The following RRAGB variants were observed in gnomAD, a reference collection of about 807,000 sequenced individuals.
The protein encoded by RRAGB is Ras related GTP binding B, also known as ras-related GTP-binding protein B.
A neutral mutation model predicts 29.3 loss-of-function variants in RRAGB; 6 were observed. The ratio of observed to expected loss-of-function variants is 0.21; its 90% CI spans 0.11 to 0.40. The LOEUF (loss-of-function observed/expected upper bound fraction) is 0.40, where lower values mean the gene tolerates loss of function less well. RRAGB is among the 10% of genes least tolerant of loss of function. RRAGB has a pLI of 1.00. For synonymous variants in RRAGB, 101 were observed against 92.5 expected (o/e 1.09, Z -0.53); for missense variants, 184 against 272.9 (o/e 0.67, Z 2.29).
intron 1 of RRAGB, 146 bp from the exon 2 acceptor site, chrX:55,719,168 A>T: frequency 2.2e-6 from 1 of 458,188 alleles, no homozygotes; most frequent in Non-Finnish European, 3.6e-6. Context: ...TGGGACCTCT[A>T]TTCATCTGAG....
intron 5 of RRAGB, among the ~76,000 whole-genome samples, chrX:55,734,993 T>A (rs2033819024): frequency 8.9e-6 from 1 of 112,465 alleles, no homozygotes; most frequent in Admixed American, 9.4e-5. Flanking sequence ...TGATACTTGA[T>A]ATGATTTTGA....
At chrX:55,752,123 C>T in intron 6 of RRAGB, 6 of 440,587 alleles carry the variant, frequency 1.4e-5, no homozygotes, top group Non-Finnish European at 1.7e-5. Context: ...ATTCATTTTC[C>T]CCAATATTAT....
intron 5 of RRAGB, among the ~76,000 whole-genome samples, chrX:55,736,608 G>A (rs940684113): frequency 6.3e-5 from 7 of 111,642 alleles, no homozygotes; most frequent in Admixed American, 9.5e-5. Context: ...GGACAATTTC[G>A]TCTTATTATT....
At chrX:55,739,495 G>A (rs2033978197) in intron 5 of RRAGB, among the ~76,000 whole-genome samples, 1 of 111,755 alleles carries the variant, frequency 8.9e-6, no homozygotes, top group African/African-American at 3.3e-5. Flanking sequence ...ACTTCCCACT[G>A]CTCACCAAAT....
At position 55,758,234 on chromosome X, in the gene RRAGB, C is replaced by T. The variant is rs1239134501; in HGVS notation, c.944-12C>T. 1 of 1,179,165 alleles carries T rather than the reference C, an allele frequency of 8.5e-7. No individual in the cohort carries two copies. The highest frequency in any genetic ancestry group is 3.0e-5 in the East Asian group (1 of 33,519). ...ACTTAATTCTGTTGGGTGTTTCCGC[C>T]CCCGCCCTCAGCTTCTGCAGCTACT... On this transcript the variant is annotated splice_polypyrimidine_tract_variant and intron_variant, in intron 9 of 9. Coordinates refer to ENST00000374941, the MANE Select transcript of RRAGB (RefSeq NM_006064.5).
At chrX:55,749,016 G>A (rs1471978057) in intron 5 of RRAGB, among the ~76,000 whole-genome samples, 1 of 98,948 alleles carries the variant, frequency 1.0e-5, no homozygotes, top group Non-Finnish European at 2.1e-5. Flanking sequence ...AGGTGGGGGG[G>A]TCAGCCTCCC....
intron 5 of RRAGB, among the ~76,000 whole-genome samples, chrX:55,742,887 A>G (rs762569644): frequency 1.2e-4 from 13 of 111,769 alleles, no homozygotes; most frequent in Admixed American, 1.9e-4. Context: ...ACTATCTAAC[A>G]TAGTTGGCAC....
chrX:55,744,877 G>T (rs1211777594), intron 5 of RRAGB, among the ~76,000 whole-genome samples: 1 of 112,011 alleles, frequency 8.9e-6, no homozygotes, highest in Admixed American at 9.4e-5. Flanking sequence ...ACTCAAAACT[G>T]TCAGGTTTTT....
Position 55,736,977 on chromosome X carries a change from A to G in RRAGB, c.516+5391A>G, listed in dbSNP as rs181722756. 5.0e-3 allele frequency among the ~76,000 whole-genome samples: 568 copies of G among 112,845 alleles called. 3 individuals carry two copies. The highest frequency in any genetic ancestry group is 0.017 in the African/African-American group (535 of 31,126). On this transcript the variant is annotated intron_variant, in intron 5 of 9. Coordinates refer to ENST00000374941, the MANE Select transcript of RRAGB (RefSeq NM_006064.5). ...ACCACTGGGGAATGAGATAAGCTTC[A>G]TGAGACCTCTGCCATTGAATAGTTC... is the stretch of plus-strand genomic sequence containing the variant.
At chrX:55,718,455 G>A in intron 1 of RRAGB, 36 bp downstream of exon 1, 1 of 948,904 alleles carries the variant, frequency 1.1e-6, no homozygotes, top group Non-Finnish European at 1.5e-6. Flanking sequence ...TGGAAGTGGG[G>A]GTGTTCAAAT....
At chrX:55,756,026 T>A in intron 8 of RRAGB, 94 bp downstream of exon 8, 1 of 565,562 alleles carries the variant, frequency 1.8e-6, no homozygotes. Flanking sequence ...TGTACTTCTA[T>A]ATTCAGAATA....
rs778008262 is a variant in RRAGB at position 55,751,216 on chromosome X, T to C, written c.612+20T>C. ...TATAAGGTGTGTATGTCTCCCTGAG[T>C]TCCCTCATTTTAAGAGCATGAAAAA... is the stretch of plus-strand genomic sequence containing the variant. On this transcript the variant is annotated intron_variant, in intron 6 of 9. Transcript: ENST00000374941. 1.0e-5 allele frequency: 9 copies of C among 899,818 alleles called. No individual in the cohort carries two copies. The South Asian group carries it at 2.1e-4, about 21-fold the overall frequency. 74.2% of individuals were successfully genotyped at this position (899,818 alleles called of 1,213,427 possible). A position where few individuals can be genotyped will look rare whatever the true frequency, so the allele number is the denominator to read the frequency against.
intron 3 of RRAGB, among the ~76,000 whole-genome samples, chrX:55,723,609 G>A (rs1036324098): frequency 9.1e-6 from 1 of 109,776 alleles, no homozygotes; most frequent in African/African-American, 3.3e-5. Context: ...CCAGGCTGGA[G>A]TGCAGTGGCA....
chrX:55,730,525 A>T (rs1346116235), intron 4 of RRAGB, among the ~76,000 whole-genome samples: 2 of 111,906 alleles, frequency 1.8e-5, no homozygotes, highest in African/African-American at 6.5e-5. Context: ...TTTTTCTCCT[A>T]CTACCGGATG....
At chrX:55,749,023 T>TCAGCCGCC in intron 5 of RRAGB, among the ~76,000 whole-genome samples, 1 of 35,017 alleles carries the variant, frequency 2.9e-5, no homozygotes, top group Non-Finnish European at 5.2e-5. Flanking sequence ...GGGGTCAGCC[T>TCAGCCGCC]CCCGCCCGGC....
intron 8 of RRAGB, 98 bp from the exon 9 acceptor site, chrX:55,757,118 T>C (rs2147132188): frequency 1.7e-5 from 7 of 411,246 alleles, no homozygotes; most frequent in Non-Finnish European, 3.1e-5. Context: ...TGAGGTATAG[T>C]GCTATACCTC....
intron 7 of RRAGB, chrX:55,755,465 C>G (rs1262167505): frequency 1.3e-6 from 1 of 742,749 alleles, no homozygotes; most frequent in Non-Finnish European, 1.6e-6. Context: ...AAGTATACCT[C>G]AAGAACAGCT....
rs56294534 is a variant in RRAGB at position 55,744,387 on chromosome X, C to CAAAAAAAAAAAAAAAAAAAAAAAAAAAA, written c.517-6697_517-6696insAAAAAAAAAAAAAAAAAAAAAAAAAAAA. 8.4e-5 allele frequency among the ~76,000 whole-genome samples: 3 copies of CAAAAAAAAAAAAAAAAAAAAAAAAAAAA among 35,757 alleles called. 1 individual carries two copies. Among genetic ancestry groups the CAAAAAAAAAAAAAAAAAAAAAAAAAAAA allele is most frequent in the African/African-American group, 2.6e-4 (3 of 11,440 alleles). 31.1% of individuals were successfully genotyped at this position (35,757 alleles called of 115,157 possible). On this transcript the variant is annotated intron_variant, in intron 5 of 9. Transcript: ENST00000374941. ...CTCCAGCTTGGGTGACAGAGTGAGC[C>CAAAAAAAAAAAAAAAAAAAAAAAAAAAA]AAAAAAAAAAAAAAAAAGTAGTATA...
chrX:55,721,591 A>C (rs1441203980), intron 2 of RRAGB, among the ~76,000 whole-genome samples: 1 of 111,469 alleles, frequency 9.0e-6, no homozygotes, highest in African/African-American at 3.3e-5. Flanking sequence ...GAGGGACAGG[A>C]GATGAGGGAT....
Sources: gnomAD v4.1 joint callset for allele counts (sites outside exome capture counted in the v4.1 genomes callset) on GRCh38, gnomAD v4.1.1 for gene constraint, MANE v1.5 for transcripts, NCBI Gene and HGNC (gene_info 2026-07-23, HGNC 2026-07-21) for gene names.